Variants in PTPRD observed in about 807,000 individuals in gnomAD.
The protein encoded by PTPRD is protein tyrosine phosphatase receptor type D.
In PTPRD, 34 loss-of-function variants were observed where a neutral mutation model predicts 214.5. The ratio of observed to expected loss-of-function variants is 0.16; its 90% CI spans 0.12 to 0.21. The LOEUF (loss-of-function observed/expected upper bound fraction) is 0.21. Ranked by LOEUF, PTPRD falls within the 10% of genes least tolerant of loss-of-function variation. The pLI is 1.00. For missense variants in PTPRD, 2,545 were observed against 2,398.7 expected (o/e 1.06, Z -1.27); for synonymous variants, 1,128 against 845.7 (o/e 1.33, Z -5.79).
At chr9:10,422,080 C>G (rs865820744) in intron 2 of PTPRD, among the ~76,000 whole-genome samples, 3 of 151,930 alleles carry the variant, frequency 2.0e-5, no homozygotes, top group African/African-American at 7.2e-5. Context: ...GATACAGTAA[C>G]CAAAACAGCG....
At chr9:9,759,725 C>T (rs2098634406) in intron 6 of PTPRD, among the ~76,000 whole-genome samples, 2 of 151,542 alleles carry the variant, frequency 1.3e-5, no homozygotes, top group African/African-American at 2.4e-5. Flanking sequence ...GCCCAACTAA[C>T]TTTTTTTATT....
intron 10 of PTPRD, among the ~76,000 whole-genome samples, chr9:9,103,574 G>A (rs1268230613): frequency 2.6e-5 from 4 of 151,738 alleles, no homozygotes; most frequent in Non-Finnish European, 5.9e-5. Context: ...AAAAAATTTA[G>A]CATATCCTTT....
chr9:9,811,360 G>T (rs1479250232), intron 5 of PTPRD, among the ~76,000 whole-genome samples: 3 of 152,140 alleles, frequency 2.0e-5, no homozygotes, highest in African/African-American at 7.2e-5. Flanking sequence ...GGACAGCATT[G>T]CCAAAATCTC....
At chr9:10,286,004 A>G (rs2095339696) in intron 3 of PTPRD, among the ~76,000 whole-genome samples, 2 of 152,178 alleles carry the variant, frequency 1.3e-5, no homozygotes, top group Admixed American at 1.3e-4. Context: ...ATTTGTTTCT[A>G]TACACTGAGA....
At chr9:10,353,780 CA>C (rs1257228587) in intron 2 of PTPRD, among the ~76,000 whole-genome samples, 1 of 151,006 alleles carries the variant, frequency 6.6e-6, no homozygotes, top group Non-Finnish European at 1.5e-5. Context: ...AACTCATGTC[CA>C]AAAAAAAGGC....
chr9:8,964,890 T>TACCA (rs1222751627), intron 11 of PTPRD, among the ~76,000 whole-genome samples: 1 of 152,168 alleles, frequency 6.6e-6, no homozygotes, highest in Non-Finnish European at 1.5e-5. Flanking sequence ...TCTATTTTTA[T>TACCA]TTCACTGTTG....
At chr9:8,572,076 T>TC (rs2091299198) in intron 14 of PTPRD, among the ~76,000 whole-genome samples, 1 of 152,134 alleles carries the variant, frequency 6.6e-6, no homozygotes, top group Non-Finnish European at 1.5e-5. Context: ...ATGCATTTTT[T>TC]CACGTAATTT....
chr9:10,186,446 C>T (rs1219015553), intron 3 of PTPRD, among the ~76,000 whole-genome samples: 2 of 151,994 alleles, frequency 1.3e-5, no homozygotes. Context: ...CACATTAATG[C>T]AACACTTGCA....
At chr9:8,452,039 T>C (rs1166098805) in intron 33 of PTPRD, 2 of 279,040 alleles carry the variant, frequency 7.2e-6, no homozygotes, top group Non-Finnish European at 1.4e-5. Context: ...TTACATCTTG[T>C]TGCAAAGATG....
intron 11 of PTPRD, among the ~76,000 whole-genome samples, chr9:8,814,214 C>G (rs1019294154): frequency 2.8e-4 from 43 of 152,252 alleles, no homozygotes; most frequent in African/African-American, 9.6e-4. Context: ...TTAATGCCCT[C>G]CCTATAGCCA....
At chr9:9,862,152 C>T (rs936671456) in intron 5 of PTPRD, among the ~76,000 whole-genome samples, 9 of 152,064 alleles carry the variant, frequency 5.9e-5, no homozygotes, top group South Asian at 4.2e-4. Context: ...CAACTTATTC[C>T]CACAAGCAGT....
chr9:8,526,644 C>A lies in PTPRD; in HGVS notation c.551G>T (p.Gly184Val). The stretch of plus-strand genomic sequence containing the variant: ...ACTCTTACCTCTTATTGGTGTACCA[C>A]CTGGGTGGATAATATGAATGCAAAT... ...RIKQLRSESI[G>V]GTPIRGALQI... Residue 184 changes from glycine to valine, a missense_variant and splice_region_variant, in exon 17 of 46, where the codon GGT becomes GTT. Transcript: ENST00000381196. The A allele has an allele frequency of 6.4e-7, 1 of 1,572,248 alleles. No individual in the cohort carries two copies. Among genetic ancestry groups the A allele is most frequent in the Non-Finnish European group, 8.6e-7 (1 of 1,156,370 alleles).
At chr9:10,251,032 A>C (rs1490590149) in intron 3 of PTPRD, among the ~76,000 whole-genome samples, 1 of 152,058 alleles carries the variant, frequency 6.6e-6, no homozygotes, top group Non-Finnish European at 1.5e-5. Context: ...CCTACCAACT[A>C]ATTGAATTAG....
At chr9:10,433,122 G>T (rs2098694252) in intron 2 of PTPRD, among the ~76,000 whole-genome samples, 1 of 151,820 alleles carries the variant, frequency 6.6e-6, no homozygotes, top group South Asian at 2.1e-4. Flanking sequence ...CTTTAGGGAA[G>T]ATGTTACTAG....
At chr9:8,964,192 GTT>G (rs71317391) in intron 11 of PTPRD, among the ~76,000 whole-genome samples, 9 of 35,640 alleles carry the variant, frequency 2.5e-4, no homozygotes, top group South Asian at 2.4e-3. Flanking sequence ...TCAGGGCTGT[GTT>G]TTTTTTTTTT....
chr9:8,438,343 A>C (rs1269894384), intron 34 of PTPRD, among the ~76,000 whole-genome samples: 1 of 152,198 alleles, frequency 6.6e-6, no homozygotes, highest in Non-Finnish European at 1.5e-5. Flanking sequence ...ATGGCTATGA[A>C]GGTCTGCTTC....
chr9:10,168,357 A>G (rs554338326), intron 3 of PTPRD, among the ~76,000 whole-genome samples: 1 of 152,104 alleles, frequency 6.6e-6, no homozygotes, highest in East Asian at 1.9e-4. Flanking sequence ...GTTCATTATA[A>G]TAGGTAGTGC....
chr9:9,211,550 C>G (rs2099948697), intron 9 of PTPRD, among the ~76,000 whole-genome samples: 1 of 138,958 alleles, frequency 7.2e-6, no homozygotes, highest in Admixed American at 7.5e-5. Context: ...CACACACACA[C>G]ACACACACAA....
intron 3 of PTPRD, among the ~76,000 whole-genome samples, chr9:10,210,794 TTC>T (rs2099512568): frequency 2.5e-5 from 2 of 81,208 alleles, no homozygotes; most frequent in Non-Finnish European, 4.6e-5. Flanking sequence ...ATCAAAAAAC[TTC>T]ATATATATAT....
Sources: gnomAD v4.1 joint callset for allele counts (sites outside exome capture counted in the v4.1 genomes callset) on GRCh38, gnomAD v4.1.1 for gene constraint, MANE v1.5 for transcripts, NCBI Gene and HGNC (gene_info 2026-07-23, HGNC 2026-07-21) for gene names.